Variants in PAK4 observed in about 807,000 individuals in gnomAD.
PAK4 encodes the protein p21 (RAC1) activated kinase 4, also known as serine/threonine-protein kinase PAK 4.
In PAK4, 49 loss-of-function variants were observed where a neutral mutation model predicts 53.5. The ratio of observed to expected loss-of-function variants is 0.92; its 90% CI spans 0.73 to 1.16. The LOEUF is 1.16. PAK4 is among the 50% of genes most tolerant of loss of function. The pLI, the probability that PAK4 is intolerant of heterozygous loss-of-function variation, is 0.00. For missense variants in PAK4, 824 were observed against 850.7 expected, an observed-to-expected ratio of 0.97 and a Z score of 0.39; for synonymous variants, 376 against 375.6, an observed-to-expected ratio of 1.00 and a Z score of -0.01.
intron 8 of PAK4, among the ~76,000 whole-genome samples, 164 bp downstream of exon 9, chr19:39,177,973 C>G (rs774456991): frequency 9.2e-5 from 14 of 152,094 alleles, no homozygotes; most frequent in Non-Finnish European, 1.6e-4. Flanking sequence ...GTGCAGACCC[C>G]CTCTGTGGGG....
intron 1 of PAK4, among the ~76,000 whole-genome samples, chr19:39,146,856 A>AGAGAGAGGGAGAAAGG (rs1177804306): frequency 6.7e-6 from 1 of 148,374 alleles, no homozygotes; most frequent in Non-Finnish European, 1.5e-5. Context: ...AGAGAGAAAG[A>AGAGAGAGGGAGAAAGG]GAGAGAGGGA....
At chr19:39,142,890 C>T (rs2073933323) in intron 1 of PAK4, among the ~76,000 whole-genome samples, 1 of 152,166 alleles carries the variant, frequency 6.6e-6, no homozygotes, top group Admixed American at 6.5e-5. Context: ...TGCCCTTCCA[C>T]TTCTGCATTT....
chr19:39,135,358 T>C (rs12978544), intron 1 of PAK4, among the ~76,000 whole-genome samples: 2 of 124,696 alleles, frequency 1.6e-5, no homozygotes, highest in Non-Finnish European at 3.3e-5. Flanking sequence ...TTTTTTGAGA[T>C]GGAGCCTTGC....
At chr19:39,165,935 C>T (rs891190760) in intron 1 of PAK4, among the ~76,000 whole-genome samples, 1 of 152,168 alleles carries the variant, frequency 6.6e-6, no homozygotes, top group African/African-American at 2.4e-5. Context: ...GTCTGTAATC[C>T]GGGGCTTATT....
At chr19:39,140,129 C>G (rs1568500960) in intron 1 of PAK4, among the ~76,000 whole-genome samples, 1 of 152,152 alleles carries the variant, frequency 6.6e-6, no homozygotes. Flanking sequence ...TGTTTCACCT[C>G]TGTCTCTCTC....
At chr19:39,147,245 A>T (rs2074016077) in intron 1 of PAK4, among the ~76,000 whole-genome samples, 1 of 152,148 alleles carries the variant, frequency 6.6e-6, no homozygotes, top group South Asian at 2.1e-4. Context: ...CAAGAATGTT[A>T]TGTAAATGGA....
chr19:39,140,904 C>T (rs1166020119), intron 1 of PAK4, among the ~76,000 whole-genome samples: 3 of 152,158 alleles, frequency 2.0e-5, no homozygotes, highest in Non-Finnish European at 4.4e-5. Flanking sequence ...CTGTGTGATG[C>T]TCAGAACAGG....
chr19:39,126,569 TAC>T (rs2073586692), intron 1 of PAK4, among the ~76,000 whole-genome samples: 1 of 152,008 alleles, frequency 6.6e-6, no homozygotes. Context: ...TTTAACGCTT[TAC>T]TTGTATGAGC....
chr19:39,169,646 G>T (rs1568523044), exon 2 of PAK4: 18 of 1,613,228 alleles, frequency 1.1e-5, no homozygotes, highest in Non-Finnish European at 1.5e-5. Context: ...ACGAGCAGAA[G>T]TTCACGGGGC....
At chr19:39,145,204 A>T (rs1370853204) in intron 1 of PAK4, among the ~76,000 whole-genome samples, 2 of 151,702 alleles carry the variant, frequency 1.3e-5, no homozygotes, top group Non-Finnish European at 2.9e-5. Context: ...CAGCTAAAAG[A>T]CGAAATGCTT....
intron 1 of PAK4, among the ~76,000 whole-genome samples, chr19:39,159,184 C>G (rs1000590564): frequency 1.3e-5 from 2 of 152,158 alleles, no homozygotes; most frequent in South Asian, 2.1e-4. Flanking sequence ...TGGGACTGGG[C>G]AGTCGGCTCT....
chr19:39,152,191 C>T (rs1045445180), intron 1 of PAK4: 3 of 151,936 alleles, frequency 2.0e-5, no homozygotes, highest in Admixed American at 2.0e-4. Flanking sequence ...GCTTCAGCCT[C>T]CCAAAGTGCT....
intron 1 of PAK4, chr19:39,152,281 T>C (rs181061512): frequency 6.6e-6 from 1 of 152,080 alleles, no homozygotes; most frequent in Admixed American, 6.6e-5. Flanking sequence ...GGGACGTGAA[T>C]CACCTTTCTT....
Position 39,173,287 on chromosome 19 carries a change from G to A in PAK4, c.574G>A (p.Gly192Ser). 1 of 1,605,452 alleles carries A rather than the reference G, an allele frequency of 6.2e-7. No individual in the cohort carries two copies. The highest frequency in any genetic ancestry group is 8.5e-7 in the Non-Finnish European group (1 of 1,176,598). Residue 192 changes from glycine to serine, a missense_variant, in exon 3 of 9, where the codon GGT becomes AGT. By Grantham distance (56) the Gly-to-Ser change is moderately conservative. Coordinates refer to ENST00000358301, the Ensembl canonical transcript of PAK4. This position sits in a 1 kb window ranked among gnomAD's most constrained non-coding sequence, Gnocchi z 6.9. ...TGATGTCGGCACCCCCCAGCCTGCT[G>A]GTCTGGCCAGTGGGGCGAAACTGGC...
intron 1 of PAK4, among the ~76,000 whole-genome samples, chr19:39,166,876 C>T (rs2074384801): frequency 6.6e-6 from 1 of 152,222 alleles, no homozygotes; most frequent in Non-Finnish European, 1.5e-5. Context: ...GGTGGGGTCC[C>T]TGCCTGGTCA....
rs11559036 is a variant in PAK4 at position 39,175,405 on chromosome 19, G to A, written c.1326G>A (p.Lys442=). 8.0e-5 allele frequency: 128 copies of A among 1,596,034 alleles called. No individual in the cohort carries two copies. Among genetic ancestry groups the A allele is most frequent in the Middle Eastern group, 1.7e-4 (1 of 5,986 alleles). ...AGGGCGTCATCCACCGGGACATCAA[G>A]AGCGACTCGATCCTGCTGACCCATG... is the stretch of plus-strand genomic sequence containing the variant. The change falls in exon 6 of 9, where the codon AAG becomes AAA. Residue 442 remains lysine, a synonymous_variant. Coordinates refer to ENST00000358301, the Ensembl canonical transcript of PAK4. This position sits in a 1 kb window ranked among gnomAD's most constrained non-coding sequence, Gnocchi z 4.7.
chr19:39,165,193 ATG>A (rs1466348124), intron 1 of PAK4, among the ~76,000 whole-genome samples: 40 of 31,322 alleles, frequency 1.3e-3, no homozygotes, highest in Non-Finnish European at 2.6e-3. Flanking sequence ...GATGATGATG[ATG>A]ATAATAATAA....
At chr19:39,179,479 T>C (rs1003401230), downstream of PAK4, 1 of 152,036 alleles carries the variant, frequency 6.6e-6, no homozygotes, top group Admixed American at 6.6e-5. Flanking sequence ...GGAGAGGGTC[T>C]GGATCTGGGA....
At chr19:39,130,239 G>T (rs545215732) in intron 1 of PAK4, among the ~76,000 whole-genome samples, 5 of 78,584 alleles carry the variant, frequency 6.4e-5, no homozygotes, top group Non-Finnish European at 1.3e-4. Flanking sequence ...GACTGGGGGG[G>T]ACCCAGGCAG....
Sources: allele counts gnomAD v4.1 joint callset (sites outside exome capture counted in the v4.1 genomes callset), GRCh38; gene constraint gnomAD v4.1.1; non-coding constraint Gnocchi (gnomAD v3.1); transcripts MANE v1.5; gene names NCBI Gene and HGNC (gene_info 2026-07-23, HGNC 2026-07-21).